FLT1: variants seen among roughly 807,000 people sequenced by gnomAD.
FLT1 encodes the protein vascular endothelial growth factor receptor 1.
In FLT1, 49 loss-of-function variants were observed where a neutral mutation model predicts 156.3. The ratio of observed to expected loss-of-function variants is 0.31; its 90% CI spans 0.25 to 0.40. The LOEUF (loss-of-function observed/expected upper bound fraction) is 0.40, where lower values mean the gene tolerates loss of function less well. Ranked by LOEUF, FLT1 falls within the 10% of genes least tolerant of loss-of-function variation. FLT1 has a pLI of 1.00. For missense variants in FLT1, 1,322 were observed against 1,637.2 expected (o/e 0.81, Z 3.32); for synonymous variants, 594 against 583.8 (o/e 1.02, Z -0.25).
intron 15 of FLT1, among the ~76,000 whole-genome samples, chr13:28,351,951 A>G (rs1456761458): frequency 6.6e-6 from 1 of 152,234 alleles, no homozygotes; most frequent in Non-Finnish European, 1.5e-5. Flanking sequence ...AATCCTTACA[A>G]CAAGCCTACA....
In FLT1 at chr13:28,489,050, G is replaced by T. The variant is rs75488052; in HGVS notation, c.64+5730C>A. 3.2e-3 allele frequency among the ~76,000 whole-genome samples: 481 copies of T among 152,324 alleles called. 1 individual carries two copies. The highest frequency in any genetic ancestry group is 6.8e-3 in the Middle Eastern group (2 of 294). On this transcript the variant is annotated intron_variant, in intron 1 of 29. Coordinates refer to ENST00000282397, the MANE Select transcript of FLT1 (RefSeq NM_002019.4). ...TCTGCAGTGACCAGAGCCTGGCTTT[G>T]GTGGCTCACAGGCCCCAGCGAAGCA...
At chr13:28,352,155 G>A (rs774151868) in intron 15 of FLT1, among the ~76,000 whole-genome samples, 7 of 152,196 alleles carry the variant, frequency 4.6e-5, no homozygotes, top group Non-Finnish European at 8.8e-5. Context: ...GAGCAACAGA[G>A]CAGGATGGTT....
intron 14 of FLT1, among the ~76,000 whole-genome samples, chr13:28,381,123 A>C (rs1565994448): frequency 6.6e-6 from 1 of 152,116 alleles, no homozygotes; most frequent in Non-Finnish European, 1.5e-5. Context: ...AATCATTTTA[A>C]CTCTGATTCT....
Position 28,357,681 on chromosome 13 carries a change from A to T in FLT1, c.2121T>A (p.Ile707=), listed in dbSNP as rs1383065342. The T allele has an allele frequency of 6.2e-7, 1 of 1,613,620 alleles. No homozygotes were observed. ...NNHKIQQEPG[I]ILGPGSSTLF... ...GCGTGCTGCTTCCTGGTCCTAAAAT[A>T]ATTCCTGAGGGGTGAGAGATGTTTA... Residue 707 remains isoleucine (I), a synonymous_variant, in exon 15 of 30, where the codon ATT becomes ATA. Transcript: ENST00000282397.
intron 1 of FLT1, among the ~76,000 whole-genome samples, chr13:28,481,440 T>TAC (rs1224417621): frequency 8.7e-6 from 1 of 115,070 alleles, no homozygotes. Context: ...CTCCTCCGCT[T>TAC]ATACACACAC....
At chr13:28,390,772 TA>T (rs1458639386) in intron 12 of FLT1, among the ~76,000 whole-genome samples, 1 of 152,210 alleles carries the variant, frequency 6.6e-6, no homozygotes, top group Non-Finnish European at 1.5e-5. Context: ...AATAGTGAAG[TA>T]ACATAAGAGC....
intron 11 of FLT1, among the ~76,000 whole-genome samples, chr13:28,404,769 C>G (rs1208792605): frequency 2.6e-5 from 4 of 152,126 alleles, no homozygotes. Context: ...CCTGTAATCT[C>G]AGCACTTTGG....
At chr13:28,317,241 T>C (rs1871246806) in intron 25 of FLT1, among the ~76,000 whole-genome samples, 1 of 152,178 alleles carries the variant, frequency 6.6e-6, no homozygotes, top group South Asian at 2.1e-4. Context: ...AGTTCCCAGC[T>C]AGAGCCCTTG....
chr13:28,450,968 A>C (rs977147376), intron 3 of FLT1, among the ~76,000 whole-genome samples: 5 of 152,218 alleles, frequency 3.3e-5, no homozygotes, highest in African/African-American at 4.8e-5. Flanking sequence ...GAGGGCCCAG[A>C]AACAGGGGTA....
In FLT1 at chr13:28,302,456, A is replaced by G. The variant is rs1315663521; in HGVS notation, c.*711T>C. 28 of 233,194 alleles carry G rather than the reference A, an allele frequency of 1.2e-4. No homozygotes were observed. Among genetic ancestry groups the G allele is most frequent in the Non-Finnish European group, 4.2e-5 (5 of 118,056 alleles). The allele number at this position is 233,194 out of a possible 1,614,324, so 14.4% of individuals were successfully genotyped here. A position where few individuals can be genotyped will look rare whatever the true frequency, so the allele number is the denominator to read the frequency against. On this transcript the variant is annotated 3_prime_UTR_variant, in exon 30 of 30. Transcript: ENST00000282397. ...TAGGTAAAGTTCTAAAATTTGCTTT[A>G]GTTCCAAAAAAGATATTTGTCCTTT...
chr13:28,447,090 C>G (rs1878658741), intron 3 of FLT1, among the ~76,000 whole-genome samples: 1 of 151,162 alleles, frequency 6.6e-6, no homozygotes, highest in Admixed American at 6.6e-5. Flanking sequence ...GAGTTGTACT[C>G]TTATATCACA....
intron 15 of FLT1, among the ~76,000 whole-genome samples, chr13:28,350,928 CTTCT>C (rs920861190): frequency 6.6e-6 from 1 of 150,936 alleles, no homozygotes; most frequent in African/African-American, 2.4e-5. Context: ...TCCTTCCTTC[CTTCT>C]TTCCTTTCTC....
Position 28,312,528 on chromosome 13 carries a change from A to C in FLT1, c.3387-430T>G, listed in dbSNP as rs535906537. On this transcript the variant is annotated intron_variant, in intron 25 of 29. Transcript: ENST00000282397. The stretch of plus-strand genomic sequence containing the variant: ...CTTAAAGTTAAAAAAAAAAAAAGTC[A>C]TACAGCCATAAATATCAATGGCTGA... 1.9e-3 allele frequency among the ~76,000 whole-genome samples: 292 copies of C among 152,276 alleles called. 2 individuals carry two copies. Among genetic ancestry groups the C allele is most frequent in the African/African-American group, 6.7e-3 (278 of 41,538 alleles).
chr13:28,467,170 G>C, intron 2 of FLT1, 41 bp from the exon 3 acceptor site: 1 of 1,456,956 alleles, frequency 6.9e-7, no homozygotes, highest in Non-Finnish European at 9.6e-7. Flanking sequence ...TTTATGGCTG[G>C]GCCCTAGGCT....
In FLT1 at chr13:28,374,406, C is replaced by T. The variant is rs7995785; in HGVS notation, c.2116+10479G>A. The stretch of plus-strand genomic sequence containing the variant: ...CTCCAGCCTGGGAAACAGAGCAAGA[C>T]CATGTCTCAAAAAACAAACAAAAAA... On this transcript the variant is annotated intron_variant, in intron 14 of 29. Transcript: ENST00000282397. 4.2e-3 allele frequency among the ~76,000 whole-genome samples: 635 copies of T among 151,984 alleles called. 2 individuals are homozygous for T. The highest frequency in any genetic ancestry group is 0.014 in the African/African-American group (594 of 41,426).
intron 14 of FLT1, among the ~76,000 whole-genome samples, chr13:28,365,887 G>C (rs1873273321): frequency 6.6e-6 from 1 of 152,074 alleles, no homozygotes; most frequent in Non-Finnish European, 1.5e-5. Flanking sequence ...GGACCAACAG[G>C]GCATAGAGTA....
chr13:28,309,533 T>C (rs1870902636), intron 27 of FLT1, among the ~76,000 whole-genome samples: 1 of 152,170 alleles, frequency 6.6e-6, no homozygotes, highest in Non-Finnish European at 1.5e-5. Context: ...CAAGTTCACC[T>C]ACTGACTGAA....
rs1870608106 is a variant in FLT1 at position 28,303,505 on chromosome 13, C to CT, written c.3816-138_3816-137insA. ...CATGGTTTTGGAACCCCCCCCCCCT[C>CT]AATTGCTGTCAGATTTCCTCTGTTC... On this transcript the variant is annotated intron_variant, in intron 29 of 29. Transcript: ENST00000282397. 4.2e-6 allele frequency: 3 copies of CT among 709,576 alleles called. No homozygotes were observed. The East Asian group carries it at 8.5e-5, about 20-fold the overall frequency. The allele number at this position is 709,576 out of a possible 1,614,324, so 44.0% of individuals were successfully genotyped here.
At chr13:28,372,566 GTATATATA>G (rs57608920) in intron 14 of FLT1, among the ~76,000 whole-genome samples, 8,887 of 91,298 alleles carry the variant, frequency 0.097, 715 homozygotes, top group South Asian at 0.14. Flanking sequence ...TAAATAAAAT[GTATATATA>G]TATATATATA....
Sources: allele counts gnomAD v4.1 joint callset (sites outside exome capture counted in the v4.1 genomes callset), GRCh38; gene constraint gnomAD v4.1.1; transcripts MANE v1.5; gene names NCBI Gene and HGNC (gene_info 2026-07-23, HGNC 2026-07-21).